The following TMEFF1 variants were observed in gnomAD, a reference collection of about 807,000 sequenced individuals.
TMEFF1 encodes tomoregulin-1.
TMEFF1 carries 20 observed loss-of-function variants against 47.5 expected under a neutral mutation model. The ratio of observed to expected loss-of-function variants is 0.42; its 90% CI spans 0.30 to 0.61. The LOEUF (loss-of-function observed/expected upper bound fraction) is 0.61. Ranked by LOEUF, TMEFF1 falls within the 20% of genes least tolerant of loss-of-function variation. The pLI is 0.19. For synonymous variants in TMEFF1, 162 were observed against 166.3 expected, an observed-to-expected ratio of 0.97 and a Z score of 0.20; for missense variants, 411 against 471.1, an observed-to-expected ratio of 0.87 and a Z score of 1.18.
At chr9:100,482,714 C>T (rs1837365142) in intron 1 of TMEFF1, among the ~76,000 whole-genome samples, 1 of 152,154 alleles carries the variant, frequency 6.6e-6, no homozygotes. Context: ...GATGGAGAGC[C>T]TGTTTGGAGG....
chr9:100,555,961 G>A (rs1029979822), intron 7 of TMEFF1, among the ~76,000 whole-genome samples: 11 of 152,166 alleles, frequency 7.2e-5, no homozygotes, highest in African/African-American at 1.9e-4. Flanking sequence ...GCAGAACAGC[G>A]ACTGGAATTC....
At chr9:100,484,776 G>A (rs565983511) in intron 1 of TMEFF1, among the ~76,000 whole-genome samples, 2 of 148,784 alleles carry the variant, frequency 1.3e-5, no homozygotes, top group South Asian at 4.3e-4. Flanking sequence ...TGCAACCTCC[G>A]CCTCCCCGGT....
chr9:100,558,778 C>T (rs1259034693), intron 7 of TMEFF1, among the ~76,000 whole-genome samples: 2 of 151,908 alleles, frequency 1.3e-5, no homozygotes, highest in Non-Finnish European at 2.9e-5. Flanking sequence ...GAGCACGGAA[C>T]AATACTTGGT....
At chr9:100,504,423 T>C (rs1408405599) in intron 2 of TMEFF1, among the ~76,000 whole-genome samples, 1 of 152,184 alleles carries the variant, frequency 6.6e-6, no homozygotes, top group Non-Finnish European at 1.5e-5. Context: ...CAGATGGCAA[T>C]ACACCACTGA....
At chr9:100,514,287 G>A (rs1838023383) in intron 4 of TMEFF1, among the ~76,000 whole-genome samples, 1 of 151,266 alleles carries the variant, frequency 6.6e-6, no homozygotes, top group Non-Finnish European at 1.5e-5. Flanking sequence ...CTGTCCTGAG[G>A]AGAAATTCAA....
chr9:100,497,984 C>A (rs1416146080), intron 1 of TMEFF1, among the ~76,000 whole-genome samples: 1 of 151,790 alleles, frequency 6.6e-6, no homozygotes, highest in Non-Finnish European at 1.5e-5. Flanking sequence ...AGCTCTCATT[C>A]CCCATACAAA....
intron 1 of TMEFF1, among the ~76,000 whole-genome samples, chr9:100,482,092 T>A (rs1837348309): frequency 2.6e-5 from 4 of 152,074 alleles, no homozygotes; most frequent in African/African-American, 2.4e-5. Context: ...CACAGTTTTT[T>A]AAAAAAGTTA....
At chr9:100,567,269 A>G (rs79393229) in intron 8 of TMEFF1, among the ~76,000 whole-genome samples, 3,495 of 152,146 alleles carry the variant, frequency 0.023, 127 homozygotes, top group African/African-American at 0.08. Context: ...CTGTCCTCCA[A>G]TTGTTTGCAT....
At chr9:100,575,034 A>G (rs1393918259) in intron 9 of TMEFF1, among the ~76,000 whole-genome samples, 1 of 152,124 alleles carries the variant, frequency 6.6e-6, no homozygotes, top group Non-Finnish European at 1.5e-5. Flanking sequence ...TGAATTTATC[A>G]CAGATTTCTC....
At chr9:100,551,959 A>G (rs922701306) in intron 7 of TMEFF1, among the ~76,000 whole-genome samples, 22 of 152,220 alleles carry the variant, frequency 1.4e-4, no homozygotes, top group African/African-American at 5.1e-4. Flanking sequence ...ACCATGAAGG[A>G]CGAACAGGAG....
intron 1 of TMEFF1, among the ~76,000 whole-genome samples, chr9:100,474,548 C>A (rs35495064): frequency 0.03 from 4,493 of 152,076 alleles, 88 homozygotes; most frequent in African/African-American, 0.036. Context: ...CCATTTATGT[C>A]TTTTCAAAGG....
intron 6 of TMEFF1, 109 bp from the exon 7 acceptor site, chr9:100,549,986 A>G: frequency 7.8e-7 from 1 of 1,288,126 alleles, no homozygotes; most frequent in Non-Finnish European, 1.0e-6. Flanking sequence ...GAGCAGGATA[A>G]GGGGGCAGAG....
In TMEFF1 at chr9:100,473,827, A is replaced by T; in HGVS notation, c.196+87A>T. On this transcript the variant is annotated intron_variant, in intron 1 of 9. Transcript: ENST00000374879. This position sits in a 1 kb window ranked among gnomAD's most constrained non-coding sequence, Gnocchi z 5.4. Reference sequence around the variant, plus strand: ...TCCCTGCGGTCGGCCGGGCTGGGAAAGACCCCGTCGTGGGGGTCCCAGGGG... The same window carrying T: ...TCCCTGCGGTCGGCCGGGCTGGGAATGACCCCGTCGTGGGGGTCCCAGGGG... 1 of 1,366,966 alleles carries T rather than the reference A, an allele frequency of 7.3e-7. No homozygotes were observed. Among genetic ancestry groups the T allele is most frequent in the Non-Finnish European group, 9.5e-7 (1 of 1,053,958 alleles). The allele number at this position is 1,366,966 out of a possible 1,614,324, so 84.7% of individuals were successfully genotyped here.
intron 5 of TMEFF1, among the ~76,000 whole-genome samples, chr9:100,539,569 T>C (rs1838586899): frequency 6.6e-6 from 1 of 152,172 alleles, no homozygotes; most frequent in African/African-American, 2.4e-5. Flanking sequence ...TGTTCGTTCC[T>C]TCTGGTGGGT....
chr9:100,575,653 T>C (rs916572639), intron 9 of TMEFF1, among the ~76,000 whole-genome samples: 7 of 152,234 alleles, frequency 4.6e-5, no homozygotes, highest in Admixed American at 3.9e-4. Flanking sequence ...TATAAGACTT[T>C]CTTTCCATTA....
At position 100,572,605 on chromosome 9, in the gene TMEFF1, T is replaced by C. The variant is rs759473549; in HGVS notation, c.987T>C (p.His329=). 1.2e-6 allele frequency: 2 copies of C among 1,613,536 alleles called. No individual in the cohort carries two copies. Among genetic ancestry groups the C allele is most frequent in the Admixed American group, 3.3e-5 (2 of 59,956 alleles). Residue 329 remains histidine (H), a synonymous_variant, in exon 9 of 10, where the codon CAT becomes CAC. Transcript: ENST00000374879. ...YVVPSRQKLT[H]VLIAAIIGAV... The stretch of plus-strand genomic sequence containing the variant: ...TGCCAAGTAGGCAAAAGCTCACTCA[T>C]GTTCTTATTGCAGCAATTATTGGAG...
At chr9:100,509,215 A>G (rs1284204603) in intron 3 of TMEFF1, 81 bp downstream of exon 3, 1 of 1,404,076 alleles carries the variant, frequency 7.1e-7, no homozygotes, top group Non-Finnish European at 9.3e-7. Context: ...TCAGAGGTAT[A>G]TTTCCACAAC....
intron 5 of TMEFF1, among the ~76,000 whole-genome samples, chr9:100,546,825 A>G (rs1200077309): frequency 1.3e-5 from 2 of 152,112 alleles, no homozygotes; most frequent in African/African-American, 2.4e-5. Flanking sequence ...ATTCCTAACT[A>G]GATTTTACTA....
rs149696477 is a variant in TMEFF1 at position 100,565,616 on chromosome 9, C to T, written c.899+4096C>T. Reference sequence around the variant, plus strand: ...TTCTTTGTACCTTCTCCTCTCTCCTCAGATTAGCAGTACCTCCTCTCTCAT... The same window carrying T: ...TTCTTTGTACCTTCTCCTCTCTCCTTAGATTAGCAGTACCTCCTCTCTCAT... On this transcript the variant is annotated intron_variant, in intron 8 of 9. Coordinates refer to ENST00000374879, the MANE Select transcript of TMEFF1 (RefSeq NM_003692.5). Among the ~76,000 whole-genome samples the T allele has an allele frequency of 5.8e-4, 89 of 152,274 alleles. 1 individual carries two copies. Among genetic ancestry groups the T allele is most frequent in the African/African-American group, 2.0e-3 (82 of 41,558 alleles).
Sources: gnomAD v4.1 joint callset for allele counts (sites outside exome capture counted in the v4.1 genomes callset) on GRCh38, gnomAD v4.1.1 for gene constraint, Gnocchi (gnomAD v3.1) non-coding constraint, MANE v1.5 for transcripts, NCBI Gene and HGNC (gene_info 2026-07-23, HGNC 2026-07-21) for gene names.